Variants in CDC42BPB observed in about 807,000 individuals in gnomAD.
CDC42BPB encodes CDC42 binding protein kinase beta, also known as serine/threonine-protein kinase MRCK beta.
CDC42BPB carries 37 observed loss-of-function variants against 214.9 expected under a neutral mutation model. The ratio of observed to expected loss-of-function variants is 0.17; its 90% CI spans 0.13 to 0.23. The LOEUF is 0.23. Among genes scored for constraint, CDC42BPB ranks in the 10% least tolerant of loss-of-function variants. The pLI, the probability that CDC42BPB is intolerant of heterozygous loss-of-function variation, is 1.00. For missense variants in CDC42BPB, 1,694 were observed against 2,227.0 expected, an observed-to-expected ratio of 0.76 and a Z score of 4.82; for synonymous variants, 931 against 884.0, an observed-to-expected ratio of 1.05 and a Z score of -0.94.
rs1427844570 is a variant in CDC42BPB, at chr14:102,938,416, G to A, written c.4828-5C>T. The A allele has an allele frequency of 6.5e-7, 1 of 1,528,632 alleles. No individual in the cohort carries two copies. Among genetic ancestry groups the A allele is most frequent in the Non-Finnish European group, 8.7e-7 (1 of 1,143,690 alleles). 94.7% of individuals were successfully genotyped at this position (1,528,632 alleles called of 1,614,324 possible). A position where few individuals can be genotyped will look rare whatever the true frequency, so the allele number is the denominator to read the frequency against. ...CTGGGAGGGGGGCACAGCACTCTGG[G>A]CAGAAATAGCAACACGTGAGCATGC... On this transcript the variant is annotated splice_polypyrimidine_tract_variant and splice_region_variant and intron_variant, in intron 34 of 36. Transcript: ENST00000361246.
rs1322774330 is a variant in CDC42BPB at position 103,057,432 on chromosome 14, C to A, written c.-259G>T. ...GGCGCCGCCGCCCTCCCAGCTCGGG[C>A]GGCCCGCCCCCGCCGCCCTCAGCCC... On this transcript the variant is annotated 5_prime_UTR_variant, in exon 1 of 37. Coordinates refer to ENST00000361246, the MANE Select transcript of CDC42BPB (RefSeq NM_006035.4). 24 of 588,118 alleles carry A rather than the reference C, an allele frequency of 4.1e-5. No homozygotes were observed. In the African/African-American group the frequency reaches 4.7e-4, roughly 12 times the overall value. The allele number at this position is 588,118 out of a possible 1,614,324, so 36.4% of individuals were successfully genotyped here.
At chr14:102,979,069 T>C (rs1893884745) in intron 8 of CDC42BPB, among the ~76,000 whole-genome samples, 1 of 152,026 alleles carries the variant, frequency 6.6e-6, no homozygotes, top group Non-Finnish European at 1.5e-5. Context: ...GGAGTTGGAG[T>C]CTGGAGTCAG....
intron 1 of CDC42BPB, among the ~76,000 whole-genome samples, chr14:103,021,202 T>C (rs1886751731): frequency 6.6e-6 from 1 of 152,242 alleles, no homozygotes; most frequent in Non-Finnish European, 1.5e-5. Context: ...GGCTCACACC[T>C]GTAATCCCAG....
At chr14:103,022,791 A>G (rs996906367) in intron 1 of CDC42BPB, among the ~76,000 whole-genome samples, 2 of 152,300 alleles carry the variant, frequency 1.3e-5, no homozygotes, top group African/African-American at 4.8e-5. Flanking sequence ...TCAATAAGCA[A>G]TTGTGAGAAC....
rs767627879 is a variant in CDC42BPB at position 102,933,789 on chromosome 14, C to T, written c.5059G>A (p.Gly1687Ser). 1.7e-5 allele frequency: 25 copies of T among 1,501,780 alleles called. No homozygotes were observed. The highest frequency in any genetic ancestry group is 8.6e-5 in the Admixed American group (3 of 34,688). The allele number at this position is 1,501,780 out of a possible 1,614,324, so 93.0% of individuals were successfully genotyped here. Residue 1687 changes from glycine to serine, a missense_variant, in exon 37 of 37, where the codon GGC (glycine) becomes AGC (serine). Transcript: ENST00000361246. ...TGGGGGGAGTTGGGGCTCGGTGGGC[C>T]GCTGGGGTTGGAGCTATTCGATGGA... Reference protein sequence around the residue: ...STPSNSSNPSGPPSPNSPHRS... With the variant: ...STPSNSSNPSSPPSPNSPHRS...
intron 19 of CDC42BPB, among the ~76,000 whole-genome samples, chr14:102,963,479 G>A (rs755541772): frequency 5.3e-5 from 8 of 152,228 alleles, no homozygotes; most frequent in African/African-American, 1.2e-4. Context: ...CCGCTCAGCC[G>A]TCAGCCCCAT....
chr14:102,999,599 T>C lies in CDC42BPB; in HGVS notation c.562A>G (p.Ile188Val). ...RFYIGEMVLA[I>V]DSIHQLHYVH... ...TAATGAAGCTGATGGATGGAGTCAA[T>C]GGCCAGCACCATTTCACCAATGTAG... The change falls in exon 5 of 37, where the codon ATT becomes GTT. Residue 188 changes from isoleucine (I) to valine (V), a missense_variant. Coordinates refer to ENST00000361246, the MANE Select transcript of CDC42BPB (RefSeq NM_006035.4). The C allele has an allele frequency of 3.7e-6, 6 of 1,614,154 alleles. No individual in the cohort carries two copies. The highest frequency in any genetic ancestry group is 3.4e-6 in the Non-Finnish European group (4 of 1,180,008).
chr14:102,958,341 TGAGA>T (rs1246077767), intron 21 of CDC42BPB, among the ~76,000 whole-genome samples: 1 of 152,096 alleles, frequency 6.6e-6, no homozygotes, highest in Non-Finnish European at 1.5e-5. Context: ...TCTCTTATGT[TGAGA>T]GAGAGAAAGC....
intron 3 of CDC42BPB, among the ~76,000 whole-genome samples, chr14:103,005,334 C>A (rs927825039): frequency 1.3e-5 from 2 of 152,202 alleles, no homozygotes; most frequent in Non-Finnish European, 2.9e-5. Context: ...GGGCACAGTT[C>A]TGACCGGCTC....
At chr14:103,047,876 C>A (rs555653434) in intron 1 of CDC42BPB, among the ~76,000 whole-genome samples, 2 of 141,464 alleles carry the variant, frequency 1.4e-5, no homozygotes, top group East Asian at 3.9e-4. Context: ...GCACTCCAGC[C>A]TGGGCAACAG....
intron 12 of CDC42BPB, chr14:102,972,385 A>G (rs1893516732): frequency 4.2e-6 from 4 of 957,008 alleles, no homozygotes; most frequent in South Asian, 9.7e-5. Flanking sequence ...GACCAACTGC[A>G]CACCAAGAAA....
chr14:103,038,147 C>G (rs1887775457), intron 1 of CDC42BPB, among the ~76,000 whole-genome samples: 1 of 151,424 alleles, frequency 6.6e-6, no homozygotes, highest in Non-Finnish European at 1.5e-5. Flanking sequence ...CCATCCTGGT[C>G]AACATGGCGA....
At chr14:102,953,773 A>G (rs527658774) in intron 23 of CDC42BPB, among the ~76,000 whole-genome samples, 5 of 152,346 alleles carry the variant, frequency 3.3e-5, no homozygotes, top group East Asian at 3.9e-4. Context: ...AGAACCGCAC[A>G]TGCACTGCAG....
chr14:102,953,323 C>T (rs1215123964), intron 23 of CDC42BPB, among the ~76,000 whole-genome samples: 5 of 152,206 alleles, frequency 3.3e-5, no homozygotes, highest in Admixed American at 2.0e-4. Flanking sequence ...GGCCGTGGGG[C>T]GGTGGCCGGG....
At chr14:103,038,720 G>T (rs8008394) in intron 1 of CDC42BPB, among the ~76,000 whole-genome samples, 3 of 113,690 alleles carry the variant, frequency 2.6e-5, no homozygotes, top group Admixed American at 9.0e-5. Flanking sequence ...AGAGACGGGG[G>T]GGGGGGGCGG....
Position 103,053,544 on chromosome 14 carries a change from G to A in CDC42BPB, c.175+3455C>T, listed in dbSNP as rs555324965. 3.8e-3 allele frequency among the ~76,000 whole-genome samples: 576 copies of A among 151,838 alleles called. 4 individuals are homozygous for A. Among genetic ancestry groups the A allele is most frequent in the African/African-American group, 0.012 (511 of 41,422 alleles). ...TGGGAGGCCAAGGGGGGCAGATCAC[G>A]AGGTCTGGAGATCGAGACCATCCTG... On this transcript the variant is annotated intron_variant, in intron 1 of 36. Coordinates refer to ENST00000361246, the MANE Select transcript of CDC42BPB (RefSeq NM_006035.4).
chr14:103,028,748 C>G (rs1887186673), intron 1 of CDC42BPB, among the ~76,000 whole-genome samples: 2 of 152,234 alleles, frequency 1.3e-5, no homozygotes, highest in South Asian at 2.1e-4. Context: ...ACATACTCTC[C>G]TATCTAAATA....
rs778325177 is a variant in CDC42BPB at position 102,940,479 on chromosome 14, T to C, written c.4409-155A>G. On this transcript the variant is annotated intron_variant, in intron 30 of 36. Coordinates refer to ENST00000361246, the MANE Select transcript of CDC42BPB (RefSeq NM_006035.4). ...CACCAAAGACTTCATGTTCCCACTCTGGAATTCATCTTCATTTCAAAGTTT... is the reference window on the plus strand; with the variant it reads ...CACCAAAGACTTCATGTTCCCACTCCGGAATTCATCTTCATTTCAAAGTTT... The C allele has an allele frequency of 1.2e-4, 180 of 1,455,202 alleles. 1 individual carries two copies. Among genetic ancestry groups the C allele is most frequent in the Non-Finnish European group, 1.6e-4 (175 of 1,106,180 alleles). 90.1% of individuals were successfully genotyped at this position (1,455,202 alleles called of 1,614,324 possible). A position where few individuals can be genotyped will look rare whatever the true frequency, so the allele number is the denominator to read the frequency against.
At chr14:103,032,614 C>T (rs1262872787) in intron 1 of CDC42BPB, among the ~76,000 whole-genome samples, 2 of 146,864 alleles carry the variant, frequency 1.4e-5, no homozygotes, top group Non-Finnish European at 3.0e-5. Context: ...ATCCAAATGC[C>T]TATAAAACAA....
Sources: gnomAD v4.1 joint callset for allele counts (sites outside exome capture counted in the v4.1 genomes callset) on GRCh38, gnomAD v4.1.1 for gene constraint, MANE v1.5 for transcripts, NCBI Gene and HGNC (gene_info 2026-07-23, HGNC 2026-07-21) for gene names.